GLCCI1: variants seen among roughly 807,000 people sequenced by gnomAD.
The protein encoded by GLCCI1 is glucocorticoid-induced transcript 1 protein.
GLCCI1 carries 24 observed loss-of-function variants against 52.2 expected under a neutral mutation model. That is an observed-to-expected ratio of 0.46 (90% CI 0.33 to 0.65). The LOEUF is 0.65. Among genes scored for constraint, GLCCI1 ranks in the 30% least tolerant of loss-of-function variants. The probability of loss-of-function intolerance (pLI) is 0.02; values close to 1 mark genes in which losing one functional copy is unlikely to be tolerated. For missense variants in GLCCI1, 704 were observed against 701.5 expected, an observed-to-expected ratio of 1.00 and a Z score of -0.04; for synonymous variants, 310 against 276.5, an observed-to-expected ratio of 1.12 and a Z score of -1.20.
Position 8,028,344 on chromosome 7 carries a change from A to G in GLCCI1, c.696+5775A>G, listed in dbSNP as rs572282030. On this transcript the variant is annotated intron_variant, in intron 3 of 7. Coordinates refer to ENST00000223145, the MANE Select transcript of GLCCI1 (RefSeq NM_138426.4). The stretch of plus-strand genomic sequence containing the variant: ...CATACAAGCACATGGAAGTTAAACA[A>G]TATGCTCCTAAATGACCAATGAGTC... Among the ~76,000 whole-genome samples the G allele has an allele frequency of 2.0e-5, 3 of 152,336 alleles. No individual in the cohort carries two copies. The South Asian group carries it at 6.2e-4, about 32-fold the overall frequency.
intron 4 of GLCCI1, 31 bp downstream of exon 4, chr7:8,055,580 A>G (rs1352455052): frequency 7.0e-6 from 9 of 1,283,550 alleles, no homozygotes; most frequent in Non-Finnish European, 9.1e-6. Context: ...GATTTGAATA[A>G]TTACTTTTAG....
chr7:8,048,431 G>A (rs1346476469), intron 3 of GLCCI1, among the ~76,000 whole-genome samples: 1 of 151,944 alleles, frequency 6.6e-6, no homozygotes, highest in Non-Finnish European at 1.5e-5. Flanking sequence ...GGGAGGTGGG[G>A]GGGTCTGTTT....
chr7:8,045,833 A>C (rs1440634285), intron 3 of GLCCI1, among the ~76,000 whole-genome samples: 1 of 152,174 alleles, frequency 6.6e-6, no homozygotes, highest in Non-Finnish European at 1.5e-5. Flanking sequence ...AGGAGTTCGC[A>C]GAGGATAAAA....
At chr7:8,024,900 G>C (rs1341021625) in intron 3 of GLCCI1, 1 of 152,220 alleles carries the variant, frequency 6.6e-6, no homozygotes, top group African/African-American at 2.4e-5. Flanking sequence ...ATTTCAGTCA[G>C]GATGAAAACC....
intron 1 of GLCCI1, chr7:7,981,986 G>C: frequency 2.4e-6 from 1 of 418,690 alleles, no homozygotes; most frequent in Non-Finnish European, 4.7e-6. Flanking sequence ...ATCCAGATAA[G>C]TATGAGAAAG....
chr7:8,073,704 T>C (rs75051974), intron 6 of GLCCI1, among the ~76,000 whole-genome samples: 6,370 of 152,298 alleles, frequency 0.042, 451 homozygotes, highest in African/African-American at 0.14. Flanking sequence ...TGATGAATGT[T>C]GCTTAATAGT....
chr7:8,011,334 C>T (rs527755685), intron 2 of GLCCI1, among the ~76,000 whole-genome samples: 6 of 152,234 alleles, frequency 3.9e-5, no homozygotes, highest in African/African-American at 9.6e-5. Context: ...CTCTGGTAGC[C>T]ATCATTCTAT....
Position 8,039,955 on chromosome 7 carries a change from C to G in GLCCI1, c.697-15478C>G. 1.3e-5 allele frequency among the ~76,000 whole-genome samples: 2 copies of G among 149,538 alleles called. 1 individual carries two copies. Among genetic ancestry groups the G allele is most frequent in the Non-Finnish European group, 3.0e-5 (2 of 67,590 alleles). ...GAGGTTGCAGTGAGCCGAGATCATGCCACTGCACTCCAGCCCGGGTGACAG... is the reference window on the plus strand; with the variant it reads ...GAGGTTGCAGTGAGCCGAGATCATGGCACTGCACTCCAGCCCGGGTGACAG... On this transcript the variant is annotated intron_variant, in intron 3 of 7. Coordinates refer to ENST00000223145, the MANE Select transcript of GLCCI1 (RefSeq NM_138426.4).
chr7:8,049,127 T>A (rs1413588448), intron 3 of GLCCI1, among the ~76,000 whole-genome samples: 1 of 151,916 alleles, frequency 6.6e-6, no homozygotes, highest in African/African-American at 2.4e-5. Context: ...GTACGTTATA[T>A]TTTTTTTAGA....
chr7:8,069,285 G>A (rs377145555), intron 5 of GLCCI1, among the ~76,000 whole-genome samples: 2 of 152,262 alleles, frequency 1.3e-5, no homozygotes, highest in East Asian at 3.9e-4. Context: ...CTGCGTTGTG[G>A]GCTCAAGCTG....
intron 1 of GLCCI1, among the ~76,000 whole-genome samples, chr7:7,978,520 G>T (rs1345980639): frequency 2.0e-5 from 3 of 151,880 alleles, no homozygotes; most frequent in Non-Finnish European, 4.4e-5. Context: ...TTTCTTCTGG[G>T]GTGTTTTGGC....
intron 3 of GLCCI1, among the ~76,000 whole-genome samples, chr7:8,038,758 G>A (rs1215186742): frequency 2.6e-5 from 4 of 152,030 alleles, no homozygotes; most frequent in Non-Finnish European, 1.5e-5. Context: ...ACAAAAATAG[G>A]CACATGGGAG....
intron 3 of GLCCI1, among the ~76,000 whole-genome samples, chr7:8,031,940 ATACAT>A (rs765958579): frequency 3.9e-5 from 6 of 152,066 alleles, no homozygotes; most frequent in Non-Finnish European, 5.9e-5. Flanking sequence ...CATTTCAAAA[ATACAT>A]TAAGCAAAAA....
intron 3 of GLCCI1, 188 bp downstream of exon 3, chr7:8,022,757 G>A: frequency 3.6e-6 from 1 of 276,938 alleles, no homozygotes; most frequent in African/African-American, 2.2e-5. Context: ...ACAGATTCTA[G>A]TTTGGTAGGC....
At chr7:8,044,494 C>T (rs1317605672) in intron 3 of GLCCI1, among the ~76,000 whole-genome samples, 1 of 151,720 alleles carries the variant, frequency 6.6e-6, no homozygotes, top group Non-Finnish European at 1.5e-5. Flanking sequence ...TCTCAGTGTG[C>T]TGAGTATCTG....
chr7:7,969,722 C>T lies in GLCCI1; in HGVS notation c.372C>T (p.Ala124=), dbSNP rs1464055144. The change falls in exon 1 of 8, where the codon GCC becomes GCT. Residue 124 remains alanine, a synonymous_variant. Coordinates refer to ENST00000223145, the MANE Select transcript of GLCCI1 (RefSeq NM_138426.4). This position sits in a 1 kb window ranked among gnomAD's most constrained non-coding sequence, Gnocchi z 4.9. The part of the protein sequence containing the change: ...AAAPAEQAPR[A]KGRPRRSPES... ...CCCCGGCCGAGCAGGCGCCGCGGGC[C>T]AAGGGCCGCCCGAGACGGTCCCCAG... 3 of 1,406,226 alleles carry T rather than the reference C, an allele frequency of 2.1e-6. No individual in the cohort carries two copies. Among genetic ancestry groups the T allele is most frequent in the Non-Finnish European group, 2.8e-6 (3 of 1,077,508 alleles). The allele number at this position is 1,406,226 out of a possible 1,614,324, so 87.1% of individuals were successfully genotyped here. A position where few individuals can be genotyped will look rare whatever the true frequency, so the allele number is the denominator to read the frequency against.
chr7:8,060,606 T>C (rs28550994), intron 5 of GLCCI1, among the ~76,000 whole-genome samples: 97,051 of 152,060 alleles, frequency 0.64, 31,174 homozygotes, highest in African/African-American at 0.69. Flanking sequence ...TAACTGGATT[T>C]TTTTTAACTT....
intron 3 of GLCCI1, among the ~76,000 whole-genome samples, chr7:8,022,966 AGAGCTATAGGTTATAGC>A (rs1374927721): frequency 6.6e-6 from 1 of 152,242 alleles, no homozygotes; most frequent in African/African-American, 2.4e-5. Context: ...TGTAGCAACC[AGAGCTATAGGTTATAGC>A]TTTGTACAAT....
At chr7:8,064,886 T>C (rs779886544) in intron 5 of GLCCI1, among the ~76,000 whole-genome samples, 9 of 152,024 alleles carry the variant, frequency 5.9e-5, no homozygotes, top group Admixed American at 1.3e-4. Context: ...TTTTTGGTTT[T>C]TTTTGTATTT....
Sources: allele counts gnomAD v4.1 joint callset (sites outside exome capture counted in the v4.1 genomes callset), GRCh38; gene constraint gnomAD v4.1.1; non-coding constraint Gnocchi (gnomAD v3.1); transcripts MANE v1.5; gene names NCBI Gene and HGNC (gene_info 2026-07-23, HGNC 2026-07-21).